Variants in FGF11 observed in about 807,000 individuals in gnomAD.
FGF11 encodes fibroblast growth factor 11, also known as fibroblast growth factor homologous factor 3.
FGF11 carries 25 observed loss-of-function variants against 25.1 expected under a neutral mutation model. The ratio of observed to expected loss-of-function variants is 1.00; its 90% CI spans 0.73 to 1.39. The LOEUF (loss-of-function observed/expected upper bound fraction) is 1.39, where lower values mean the gene tolerates loss of function less well. FGF11 is among the 40% of genes most tolerant of loss of function. The probability of loss-of-function intolerance (pLI) is 0.00; values close to 1 mark genes in which losing one functional copy is unlikely to be tolerated. For synonymous variants in FGF11, 130 were observed against 128.9 expected (o/e 1.01, Z -0.06); for missense variants, 320 against 311.0 (o/e 1.03, Z -0.22).
chr17:7,440,138 A>C lies in FGF11; in HGVS notation c.193+325A>C, dbSNP rs1315736225. 5 of 263,288 alleles carry C rather than the reference A, an allele frequency of 1.9e-5. No individual in the cohort carries two copies. The Admixed American group carries it at 2.7e-4, about 14-fold the overall frequency. The allele number at this position is 263,288 out of a possible 1,614,324, so 16.3% of individuals were successfully genotyped here. A position where few individuals can be genotyped will look rare whatever the true frequency, so the allele number is the denominator to read the frequency against. On this transcript the variant is annotated intron_variant, in intron 1 of 4. Coordinates refer to ENST00000293829, the MANE Select transcript of FGF11 (RefSeq NM_004112.4). The surrounding 1 kb of genome is among the most constrained non-coding windows in gnomAD (Gnocchi z 5.4). ...CTCCGCCTACGTGCCGGTTCTCGCG[A>C]TTCTTTCAATCTGGAGCGGAGGGGC...
At chr17:7,438,683 T>TG (rs971185488), upstream of FGF11, among the ~76,000 whole-genome samples, 2 of 151,994 alleles carry the variant, frequency 1.3e-5, no homozygotes, top group Non-Finnish European at 2.9e-5. Context: ...ACTCCTCTCT[T>TG]GGGGGGCTGG....
At position 7,443,237 on chromosome 17, in the gene FGF11, C is replaced by A; in HGVS notation, c.*91C>A. ...CCCAGTCCTGCTCTCACCCCTGCTGCCACACACATGCCCTGAGCAGCCAGG... is the reference window on the plus strand; with the variant it reads ...CCCAGTCCTGCTCTCACCCCTGCTGACACACACATGCCCTGAGCAGCCAGG... On this transcript the variant is annotated 3_prime_UTR_variant, in exon 5 of 5. Coordinates refer to ENST00000293829, the MANE Select transcript of FGF11 (RefSeq NM_004112.4). The A allele has an allele frequency of 1.2e-6, 1 of 816,526 alleles. No individual in the cohort carries two copies. Among genetic ancestry groups the A allele is most frequent in the South Asian group, 1.6e-5 (1 of 61,556 alleles). 50.6% of individuals were successfully genotyped at this position (816,526 alleles called of 1,614,324 possible).
In FGF11 at chr17:7,439,584, C is replaced by T. The variant is rs1908214273; in HGVS notation, c.-37C>T. The T allele has an allele frequency of 2.2e-6, 3 of 1,378,996 alleles. No homozygotes were observed. Among genetic ancestry groups the T allele is most frequent in the Admixed American group, 3.8e-5 (1 of 26,290 alleles). The allele number at this position is 1,378,996 out of a possible 1,614,324, so 85.4% of individuals were successfully genotyped here. A position where few individuals can be genotyped will look rare whatever the true frequency, so the allele number is the denominator to read the frequency against. On this transcript the variant is annotated 5_prime_UTR_variant, in exon 1 of 5. Coordinates refer to ENST00000293829, the MANE Select transcript of FGF11 (RefSeq NM_004112.4). Reference sequence around the variant, plus strand: ...CTGGGGGAGCCCAGCGCGCTCCGGGCGCCTGCCGGTTTGGGGGTGTCTCCT... The same window carrying T: ...CTGGGGGAGCCCAGCGCGCTCCGGGTGCCTGCCGGTTTGGGGGTGTCTCCT...
chr17:7,441,320 G>C (rs1908311465), intron 1 of FGF11, 151 bp from the exon 2 acceptor site: 2 of 1,019,270 alleles, frequency 2.0e-6, no homozygotes, highest in South Asian at 1.6e-5. Flanking sequence ...AAGAGAGGTG[G>C]GAGAGAGCGT....
chr17:7,444,219 A>G lies in FGF11; in HGVS notation c.*1073A>G, dbSNP rs1597746377. The G allele has an allele frequency of 6.6e-6, 1 of 152,644 alleles. No individual in the cohort carries two copies. The highest frequency in any genetic ancestry group is 6.5e-5 in the Admixed American group (1 of 15,286). 9.5% of individuals were successfully genotyped at this position (152,644 alleles called of 1,614,324 possible). On this transcript the variant is annotated 3_prime_UTR_variant, in exon 5 of 5. Coordinates refer to ENST00000293829, the MANE Select transcript of FGF11 (RefSeq NM_004112.4). ...CGTGCCAGGGAGACAGAGTCTGGAG[A>G]AGGGCAGAGGAATTTTGGAAGGATC...
chr17:7,443,183 A>G lies in FGF11; in HGVS notation c.*37A>G. 1 of 1,329,494 alleles carries G rather than the reference A, an allele frequency of 7.5e-7. No individual in the cohort carries two copies. Among genetic ancestry groups the G allele is most frequent in the Non-Finnish European group, 1.1e-6 (1 of 932,686 alleles). The allele number at this position is 1,329,494 out of a possible 1,614,324, so 82.4% of individuals were successfully genotyped here. A position where few individuals can be genotyped will look rare whatever the true frequency, so the allele number is the denominator to read the frequency against. On this transcript the variant is annotated 3_prime_UTR_variant, in exon 5 of 5. Coordinates refer to ENST00000293829, the MANE Select transcript of FGF11 (RefSeq NM_004112.4). ...TGGACTGGAGGTTCCCTGCACTCCCAGTGAGCCAGCCACCACCACAACCTG... is the reference window on the plus strand; with the variant it reads ...TGGACTGGAGGTTCCCTGCACTCCCGGTGAGCCAGCCACCACCACAACCTG...
At position 7,443,303 on chromosome 17, in the gene FGF11, C is replaced by A; in HGVS notation, c.*157C>A. 2 of 579,002 alleles carry A rather than the reference C, an allele frequency of 3.5e-6. No individual in the cohort carries two copies. The highest frequency in any genetic ancestry group is 3.7e-5 in the African/African-American group (2 of 53,580). The allele number at this position is 579,002 out of a possible 1,614,324, so 35.9% of individuals were successfully genotyped here. A position where few individuals can be genotyped will look rare whatever the true frequency, so the allele number is the denominator to read the frequency against. ...TACCCTGAGGGAGCCTAGGGGCTGA[C>A]TGTGACTTCCGAGGCTGCTGAGACC... On this transcript the variant is annotated 3_prime_UTR_variant, in exon 5 of 5. Transcript: ENST00000293829.
intron 1 of FGF11, 56 bp from the exon 2 acceptor site, chr17:7,441,415 G>C (rs773841610): frequency 6.2e-7 from 1 of 1,608,140 alleles, no homozygotes; most frequent in South Asian, 1.1e-5. Context: ...GCCAAGTGTA[G>C]GAATGTTTCT....
At chr17:7,442,902 C>A in intron 4 of FGF11, 110 bp downstream of exon 4, 1 of 1,290,916 alleles carries the variant, frequency 7.7e-7, no homozygotes, top group Non-Finnish European at 1.1e-6. Context: ...CCCTTTGTGA[C>A]AGATCAAGCC....
At chr17:7,439,294 T>G, upstream of FGF11, 31 of 220,264 alleles carry the variant, frequency 1.4e-4, no homozygotes, top group East Asian at 2.7e-4. Flanking sequence ...GGTCTTGGCT[T>G]TGGGATAGGT....
chr17:7,441,103 A>T (rs1383177645), intron 1 of FGF11: 11 of 333,320 alleles, frequency 3.3e-5, no homozygotes, highest in East Asian at 1.0e-4. Flanking sequence ...ACCTTCGCAA[A>T]CACGCTGCCC....
At chr17:7,442,251 C>G (rs1055644868) in intron 3 of FGF11, 21 of 351,144 alleles carry the variant, frequency 6.0e-5, no homozygotes, top group Non-Finnish European at 9.7e-5. Flanking sequence ...TATTGCAAGA[C>G]CCCTAAAAGT....
chr17:7,438,726 C>G (rs1383699501), upstream of FGF11, among the ~76,000 whole-genome samples: 1 of 152,068 alleles, frequency 6.6e-6, no homozygotes, highest in African/African-American at 2.4e-5. Flanking sequence ...TAAACAGCAC[C>G]AGCTGTCCCC....
Position 7,439,696 on chromosome 17 carries a change from G to C in FGF11, c.76G>C (p.Ala26Pro), listed in dbSNP as rs1455332269. Residue 26 changes from alanine (A) to proline (P), a missense_variant, in exon 1 of 5, where the codon GCG (alanine) becomes CCG (proline). By Grantham distance (27) the Ala-to-Pro change is conservative. Coordinates refer to ENST00000293829, the MANE Select transcript of FGF11 (RefSeq NM_004112.4). ...GCCCGGGGGCAGCCGGCCGGTGTCG[G>C]CGCAGCGGCGCGTGTGTCCCCGCGG... ...REPGGSRPVS[A>P]QRRVCPRGTK... The C allele has an allele frequency of 6.4e-7, 1 of 1,560,274 alleles. No homozygotes were observed. Among genetic ancestry groups the C allele is most frequent in the African/African-American group, 1.4e-5 (1 of 70,824 alleles).
chr17:7,442,222 C>T (rs1908361923), intron 3 of FGF11: 1 of 345,042 alleles, frequency 2.9e-6, no homozygotes, highest in Non-Finnish European at 5.3e-6. Flanking sequence ...ACTGGGAGTA[C>T]AGTGGAGAGA....
At chr17:7,441,751 T>TG (rs1908337108) in intron 2 of FGF11, 25 bp from the exon 3 acceptor site, 1 of 1,581,530 alleles carries the variant, frequency 6.3e-7, no homozygotes, top group Admixed American at 1.7e-5. Flanking sequence ...GCCTGGGTAT[T>TG]GATGCTCCCT....
At chr17:7,439,349 A>T, upstream of FGF11, 5 of 342,348 alleles carry the variant, frequency 1.5e-5, no homozygotes, top group Admixed American at 4.8e-5. Context: ...GGACGTTTTC[A>T]ATAGGAGGCA....
chr17:7,439,545 G>A lies in FGF11; in HGVS notation c.-76G>A. On this transcript the variant is annotated 5_prime_UTR_variant, in exon 1 of 5. It adds an upstream start codon to the 5' untranslated region. Transcript: ENST00000293829. ...GCCTGAGCGTCAAGAGCATGCCCTA[G>A]TGAGCGGGCTCCTCTGGGGGAGCCC... 8.1e-7 allele frequency: 1 copy of A among 1,239,436 alleles called. No individual in the cohort carries two copies. The highest frequency in any genetic ancestry group is 1.8e-5 in the South Asian group (1 of 56,246). 76.8% of individuals were successfully genotyped at this position (1,239,436 alleles called of 1,614,324 possible). A position where few individuals can be genotyped will look rare whatever the true frequency, so the allele number is the denominator to read the frequency against.
At position 7,444,473 on chromosome 17, in the gene FGF11, CCCTT is replaced by C. The variant is rs1413664905; in HGVS notation, c.*1329_*1332del. The C allele has an allele frequency of 6.5e-6, 1 of 154,012 alleles. No homozygotes were observed. Among genetic ancestry groups the C allele is most frequent in the Non-Finnish European group, 1.4e-5 (1 of 69,068 alleles). The allele number at this position is 154,012 out of a possible 1,614,324, so 9.5% of individuals were successfully genotyped here. On this transcript the variant is annotated 3_prime_UTR_variant, in exon 5 of 5. Coordinates refer to ENST00000293829, the MANE Select transcript of FGF11 (RefSeq NM_004112.4). ...GACCCCAATTCAGCAATAAGTCTCA[CCCTT>C]CTCCCCTACAGGTCAGGCCAAGAAG...
Sources: allele counts gnomAD v4.1 joint callset (sites outside exome capture counted in the v4.1 genomes callset), GRCh38; gene constraint gnomAD v4.1.1; non-coding constraint Gnocchi (gnomAD v3.1); transcripts MANE v1.5; gene names NCBI Gene and HGNC (gene_info 2026-07-23, HGNC 2026-07-21).